CCDC88A: variants seen among roughly 807,000 people sequenced by gnomAD.
CCDC88A encodes the protein coiled-coil and HOOK domain protein 88A, also known as girdin.
In CCDC88A, 54 loss-of-function variants were observed where a neutral mutation model predicts 234.3. The ratio of observed to expected loss-of-function variants is 0.23; its 90% CI spans 0.19 to 0.29. CCDC88A has a LOEUF of 0.29. Among genes scored for constraint, CCDC88A ranks in the 10% least tolerant of loss-of-function variants. The probability of loss-of-function intolerance (pLI) is 1.00; values close to 1 mark genes in which losing one functional copy is unlikely to be tolerated. For synonymous variants in CCDC88A, 753 were observed against 737.8 expected (o/e 1.02, Z -0.33); for missense variants, 1,832 against 2,123.4 (o/e 0.86, Z 2.70).
At chr2:55,398,473 C>T (rs1055668152) in intron 2 of CCDC88A, among the ~76,000 whole-genome samples, 7 of 152,288 alleles carry the variant, frequency 4.6e-5, no homozygotes, top group Middle Eastern at 3.4e-3. Flanking sequence ...CATTATAAGG[C>T]TTGAGTTTCC....
chr2:55,312,732 G>A, intron 22 of CCDC88A, 153 bp from the exon 23 acceptor site: 1 of 575,986 alleles, frequency 1.7e-6, no homozygotes, highest in Non-Finnish European at 3.0e-6. Flanking sequence ...TTTTAGTGAT[G>A]ACACCTACAG....
chr2:55,298,839 C>T (rs1453306773), intron 29 of CCDC88A, among the ~76,000 whole-genome samples: 1 of 142,322 alleles, frequency 7.0e-6, no homozygotes, highest in African/African-American at 2.6e-5. Flanking sequence ...AGTACCACTG[C>T]ACTCAGCCTG....
chr2:55,411,615 C>T (rs1374525772), intron 2 of CCDC88A, among the ~76,000 whole-genome samples: 2 of 151,256 alleles, frequency 1.3e-5, no homozygotes, highest in South Asian at 2.1e-4. Flanking sequence ...CCCGTCTCTA[C>T]TAAAAACACA....
At chr2:55,344,021 C>A in intron 11 of CCDC88A, 1 of 411,332 alleles carries the variant, frequency 2.4e-6, no homozygotes, top group Non-Finnish European at 4.3e-6. Flanking sequence ...AATTCTTCTT[C>A]ATAGTCAACA....
At chr2:55,358,657 T>A (rs968438778) in intron 7 of CCDC88A, among the ~76,000 whole-genome samples, 3 of 152,106 alleles carry the variant, frequency 2.0e-5, no homozygotes, top group African/African-American at 7.2e-5. Flanking sequence ...ATTAACTCCT[T>A]TATTCTTATG....
intron 2 of CCDC88A, among the ~76,000 whole-genome samples, chr2:55,395,143 G>A (rs1005647834): frequency 6.6e-6 from 1 of 152,084 alleles, no homozygotes; most frequent in African/African-American, 2.4e-5. Context: ...ACTGTGCCCT[G>A]CCTAAAAAAT....
Position 55,288,942 on chromosome 2 carries a change from C to G in CCDC88A, c.*2258G>C, listed in dbSNP as rs1450461807. ...AGAAAGTAAAATATTCATGTGGTTA[C>G]TACTGTCTAGTCGTTTCTTGAAATG... is the stretch of plus-strand genomic sequence containing the variant. On this transcript the variant is annotated 3_prime_UTR_variant, in exon 33 of 33. Coordinates refer to ENST00000436346, the MANE Select transcript of CCDC88A (RefSeq NM_001365480.1). The G allele has an allele frequency of 6.6e-6, 1 of 152,136 alleles. No individual in the cohort carries two copies. Among genetic ancestry groups the G allele is most frequent in the Non-Finnish European group, 1.5e-5 (1 of 68,008 alleles). The allele number at this position is 152,136 out of a possible 1,614,324, so 9.4% of individuals were successfully genotyped here.
chr2:55,413,022 A>C (rs1341199329), intron 2 of CCDC88A, among the ~76,000 whole-genome samples: 1 of 152,042 alleles, frequency 6.6e-6, no homozygotes, highest in Non-Finnish European at 1.5e-5. Context: ...TGGGCAAAAA[A>C]GTGAGACCCG....
At chr2:55,343,468 T>A (rs898586671) in intron 12 of CCDC88A, among the ~76,000 whole-genome samples, 180 bp downstream of exon 12, 6 of 152,108 alleles carry the variant, frequency 3.9e-5, no homozygotes. Flanking sequence ...TTGTAAGACA[T>A]GTAAAGCTAG....
chr2:55,368,660 T>C (rs149308381), intron 5 of CCDC88A, among the ~76,000 whole-genome samples: 38 of 152,256 alleles, frequency 2.5e-4, no homozygotes, highest in Non-Finnish European at 3.7e-4. Context: ...TCTTGAAACC[T>C]GTGGTCCACT....
Position 55,317,262 on chromosome 2 carries a change from A to G in CCDC88A, c.3690T>C (p.Asn1230=), listed in dbSNP as rs1171040883. 6 of 1,552,748 alleles carry G rather than the reference A, an allele frequency of 3.9e-6. No individual in the cohort carries two copies. The change falls in exon 21 of 33, where the codon AAT becomes AAC. Residue 1230 remains asparagine, a synonymous_variant. Transcript: ENST00000436346. This position sits in a 1 kb window ranked among gnomAD's most constrained non-coding sequence, Gnocchi z 4.2. The part of the protein sequence containing the change: ...KVEQEKMLLE[N]KNHETVAAEY... ...CTGCAGCTACTGTTTCATGATTTTT[A>G]TTTTCAAGCAGCATTTTTTCCTGTT...
intron 5 of CCDC88A, among the ~76,000 whole-genome samples, chr2:55,366,559 ACACACACACACACACAC>A (rs1277332829): frequency 1.3e-5 from 2 of 151,040 alleles, no homozygotes; most frequent in African/African-American, 4.9e-5. Context: ...ACACACACAC[ACACACACACACACACAC>A]AAGATATGAT....
intron 3 of CCDC88A, among the ~76,000 whole-genome samples, chr2:55,382,257 A>G (rs181678448): frequency 1.1e-4 from 17 of 152,328 alleles, no homozygotes; most frequent in Admixed American, 4.6e-4. Context: ...AAAAACCTAA[A>G]AAGTGTCTAT....
chr2:55,383,137 T>C (rs372398645), intron 3 of CCDC88A, among the ~76,000 whole-genome samples: 144 of 151,456 alleles, frequency 9.5e-4, no homozygotes, highest in African/African-American at 3.3e-3. Flanking sequence ...AAAAGATAAA[T>C]TGAAATAATC....
intron 3 of CCDC88A, among the ~76,000 whole-genome samples, chr2:55,380,025 A>G (rs1674329144): frequency 6.8e-6 from 1 of 148,040 alleles, no homozygotes. Flanking sequence ...GGAGTTCGAG[A>G]CCAGCCTGAC....
At chr2:55,347,817 G>A (rs1281725370) in intron 9 of CCDC88A, among the ~76,000 whole-genome samples, 1 of 151,878 alleles carries the variant, frequency 6.6e-6, no homozygotes, top group Non-Finnish European at 1.5e-5. Flanking sequence ...TCGCCATGTT[G>A]CCCAGGCTGG....
At chr2:55,297,874 A>T (rs1374506265) in intron 29 of CCDC88A, among the ~76,000 whole-genome samples, 3 of 152,192 alleles carry the variant, frequency 2.0e-5, no homozygotes, top group Non-Finnish European at 4.4e-5. Flanking sequence ...AAAAAATTTA[A>T]AGAGCATACA....
chr2:55,309,217 G>A lies in CCDC88A; in HGVS notation c.4117C>T (p.Leu1373=). The stretch of plus-strand genomic sequence containing the variant: ...TATTGATCCATAATTTTCTCTTCTA[G>A]TTTCTCCTTCTGACGTCTTAATTCA... ...LNELRRQKEK[L]EEKIMDQYKF... The change falls in exon 24 of 33, where the codon CTA becomes TTA. Residue 1373 remains leucine, a synonymous_variant. Coordinates refer to ENST00000436346, the MANE Select transcript of CCDC88A (RefSeq NM_001365480.1). The surrounding 1 kb of genome is among the most constrained non-coding windows in gnomAD (Gnocchi z 5.1). 6.5e-7 allele frequency: 1 copy of A among 1,543,156 alleles called. No homozygotes were observed. The highest frequency in any genetic ancestry group is 1.2e-5 in the South Asian group (1 of 86,226).
At chr2:55,315,795 T>C (rs1682912809) in intron 22 of CCDC88A, 133 bp downstream of exon 22, 2 of 468,000 alleles carry the variant, frequency 4.3e-6, no homozygotes, top group African/African-American at 4.0e-5. Context: ...GTTTCAGTGA[T>C]CCTAGACCAA....
Sources: gnomAD v4.1 joint callset for allele counts (sites outside exome capture counted in the v4.1 genomes callset) on GRCh38, gnomAD v4.1.1 for gene constraint, Gnocchi (gnomAD v3.1) non-coding constraint, MANE v1.5 for transcripts, NCBI Gene and HGNC (gene_info 2026-07-23, HGNC 2026-07-21) for gene names.